Variants in MTUS2 observed in about 807,000 individuals in gnomAD.
The protein encoded by MTUS2 is microtubule-associated tumor suppressor candidate 2.
Under a neutral mutation model 114.1 loss-of-function variants are expected in MTUS2, and 40 were observed. That is an observed-to-expected ratio of 0.35 (90% CI 0.27 to 0.46). MTUS2 has a LOEUF of 0.46. MTUS2 is among the 20% of genes least tolerant of loss of function. The pLI is 1.00. For missense variants in MTUS2, 1,679 were observed against 1,705.4 expected, an observed-to-expected ratio of 0.98 and a Z score of 0.27; for synonymous variants, 688 against 672.0, an observed-to-expected ratio of 1.02 and a Z score of -0.37.
intron 2 of MTUS2, among the ~76,000 whole-genome samples, chr13:28,970,700 T>C (rs537009152): frequency 5.1e-4 from 78 of 152,328 alleles, no homozygotes; most frequent in African/African-American, 1.8e-3. Flanking sequence ...ATTTGAAAAC[T>C]TAGTTTTCCC....
intron 6 of MTUS2, chr13:29,307,310 T>C (rs1899516494): frequency 4.5e-6 from 3 of 672,684 alleles, no homozygotes; most frequent in Admixed American, 2.1e-5. Flanking sequence ...ATGACCACAG[T>C]CCATGCTGTC....
chr13:28,850,183 CAAAG>C (rs1876172140), intron 2 of MTUS2, among the ~76,000 whole-genome samples: 1 of 152,090 alleles, frequency 6.6e-6, no homozygotes, highest in South Asian at 2.1e-4. Context: ...CTTACCTGGA[CAAAG>C]AAAGAGACCT....
At chr13:29,456,984 T>TA (rs577887493) in intron 9 of MTUS2, among the ~76,000 whole-genome samples, 73 of 145,392 alleles carry the variant, frequency 5.0e-4, no homozygotes, top group Middle Eastern at 3.6e-3. Context: ...AAAAATATAT[T>TA]AAAAAAAAAA....
chr13:29,316,402 G>C (rs1268997546), intron 6 of MTUS2, among the ~76,000 whole-genome samples: 1 of 152,172 alleles, frequency 6.6e-6, no homozygotes, highest in Non-Finnish European at 1.5e-5. Flanking sequence ...GCCAGGGATG[G>C]AAAGAATGTT....
chr13:29,084,200 CA>C (rs1184430940), intron 4 of MTUS2, among the ~76,000 whole-genome samples: 1 of 152,126 alleles, frequency 6.6e-6, no homozygotes, highest in Non-Finnish European at 1.5e-5. Context: ...TGCAGAAGTA[CA>C]AAAGCCAGTT....
intron 5 of MTUS2, among the ~76,000 whole-genome samples, chr13:29,189,826 T>A (rs1894374096): frequency 6.6e-6 from 1 of 152,188 alleles, no homozygotes; most frequent in African/African-American, 2.4e-5. Context: ...TATGGATGAA[T>A]ATGTGTCCCT....
chr13:29,011,362 C>T (rs1885837204), intron 2 of MTUS2, among the ~76,000 whole-genome samples: 1 of 152,154 alleles, frequency 6.6e-6, no homozygotes, highest in African/African-American at 2.4e-5. Context: ...ACAGTTTTCC[C>T]CCCTTGCATT....
chr13:29,135,758 CTAATT>C (rs1566026266), intron 5 of MTUS2, among the ~76,000 whole-genome samples: 1 of 152,060 alleles, frequency 6.6e-6, no homozygotes, highest in Non-Finnish European at 1.5e-5. Context: ...TTATAACACT[CTAATT>C]TAAATTTATG....
chr13:28,874,666 A>T (rs1006093020), intron 2 of MTUS2, among the ~76,000 whole-genome samples: 2 of 152,164 alleles, frequency 1.3e-5, no homozygotes, highest in Non-Finnish European at 2.9e-5. Context: ...CCAAGGTAGA[A>T]GCTGCAATGA....
chr13:29,166,404 A>G (rs1281733078), intron 5 of MTUS2, among the ~76,000 whole-genome samples: 4 of 152,202 alleles, frequency 2.6e-5, no homozygotes, highest in Non-Finnish European at 5.9e-5. Flanking sequence ...GCTCTTAGTC[A>G]CTGGAACATG....
chr13:29,495,403 A>T (rs925929907), intron 12 of MTUS2, among the ~76,000 whole-genome samples: 6 of 151,382 alleles, frequency 4.0e-5, no homozygotes, highest in Non-Finnish European at 5.9e-5. Flanking sequence ...AAAAGAGAAC[A>T]AAAAAGAGGA....
At position 28,927,964 on chromosome 13, in the gene MTUS2, CT is replaced by C. The variant is rs573845904; in HGVS notation, c.-243+88117del. 2.1e-3 allele frequency among the ~76,000 whole-genome samples: 315 copies of C among 152,170 alleles called. 1 individual carries two copies. Among genetic ancestry groups the C allele is most frequent in the Non-Finnish European group, 1.3e-3 (87 of 67,994 alleles). On this transcript the variant is annotated intron_variant, in intron 2 of 15. Transcript: ENST00000612955. Reference sequence around the variant, plus strand: ...AGAGAACCCAGAAATAAAATCACACCTTTACAGCCAACTCGTTTTTGACAAA... The same window carrying C: ...AGAGAACCCAGAAATAAAATCACACCTTACAGCCAACTCGTTTTTGACAAA...
chr13:29,503,095 C>G lies in MTUS2; in HGVS notation c.3999C>G (p.Leu1333=). 1.9e-6 allele frequency: 3 copies of G among 1,614,246 alleles called. No homozygotes were observed. Among genetic ancestry groups the G allele is most frequent in the Non-Finnish European group, 2.5e-6 (3 of 1,180,046 alleles). ...CCAATGAAGAGCTGCTTTGGAAGCT[C>G]CAAACTGGGGACCCGACCAGTCCGA... is the stretch of plus-strand genomic sequence containing the variant. The part of the protein sequence containing the change: ...SRTNEELLWK[L]QTGDPTSPIK... The change falls in exon 16 of 16, where the codon CTC becomes CTG. Residue 1333 remains leucine (L), a synonymous_variant. Transcript: ENST00000612955.
intron 7 of MTUS2, among the ~76,000 whole-genome samples, chr13:29,332,180 A>G (rs529758521): frequency 1.3e-4 from 20 of 152,186 alleles, no homozygotes. Context: ...CTATGAATCC[A>G]TCCGGTCCTG....
chr13:29,009,397 A>G lies in MTUS2; in HGVS notation c.-242-15060A>G. Among the ~76,000 whole-genome samples, 5 of 151,946 alleles carry G rather than the reference A, an allele frequency of 3.3e-5. 1 individual carries two copies. In the South Asian group the frequency reaches 1.0e-3, roughly 31 times the overall value. Reference sequence around the variant, plus strand: ...ATATCCAACTACTTTTATTAATGATATATCAAAAATATTAATAATATAGTA... The same window carrying G: ...ATATCCAACTACTTTTATTAATGATGTATCAAAAATATTAATAATATAGTA... On this transcript the variant is annotated intron_variant, in intron 2 of 15. Transcript: ENST00000612955.
intron 5 of MTUS2, among the ~76,000 whole-genome samples, chr13:29,234,973 C>T (rs1896478002): frequency 6.6e-6 from 1 of 151,982 alleles, no homozygotes; most frequent in Non-Finnish European, 1.5e-5. Flanking sequence ...ATCAAGCTGT[C>T]AGTTGATCAT....
intron 8 of MTUS2, among the ~76,000 whole-genome samples, chr13:29,402,404 GAGAA>G (rs1874412614): frequency 6.6e-6 from 1 of 152,194 alleles, no homozygotes; most frequent in Non-Finnish European, 1.5e-5. Flanking sequence ...AGCTGAGAAA[GAGAA>G]AGCAGTAAGC....
chr13:29,041,186 C>T (rs1349008130), intron 4 of MTUS2, among the ~76,000 whole-genome samples: 1 of 152,132 alleles, frequency 6.6e-6, no homozygotes, highest in Non-Finnish European at 1.5e-5. Context: ...TATCCCAGCA[C>T]CATTTGTTGA....
chr13:29,251,318 T>TAATAATAATAAA (rs1035606030), intron 5 of MTUS2, among the ~76,000 whole-genome samples: 2 of 151,154 alleles, frequency 1.3e-5, no homozygotes, highest in African/African-American at 4.9e-5. Context: ...ATAATAATAA[T>TAATAATAATAAA]AAATGCCTAC....
Sources: allele counts gnomAD v4.1 joint callset (sites outside exome capture counted in the v4.1 genomes callset), GRCh38; gene constraint gnomAD v4.1.1; transcripts MANE v1.5; gene names NCBI Gene and HGNC (gene_info 2026-07-23, HGNC 2026-07-21).